The following ZNF106 variants were observed in gnomAD, a reference collection of about 807,000 sequenced individuals.
ZNF106 encodes zinc finger protein 106.
ZNF106 carries 67 observed loss-of-function variants against 195.1 expected under a neutral mutation model. That is an observed-to-expected ratio of 0.34 (90% CI 0.28 to 0.42). ZNF106 has a LOEUF of 0.42. Ranked by LOEUF, ZNF106 falls within the 10% of genes least tolerant of loss-of-function variation. ZNF106 has a pLI of 1.00. For missense variants in ZNF106, 2,118 were observed against 2,304.5 expected (o/e 0.92, Z 1.66); for synonymous variants, 784 against 818.6 (o/e 0.96, Z 0.72).
At chr15:42,465,326 G>A (rs1376275939) in intron 3 of ZNF106, among the ~76,000 whole-genome samples, 2 of 152,060 alleles carry the variant, frequency 1.3e-5, no homozygotes, top group East Asian at 3.9e-4. Flanking sequence ...ACCCAGGCTG[G>A]AGGGCAGTGG....
At chr15:42,486,793 T>C (rs1164609092) in intron 1 of ZNF106, among the ~76,000 whole-genome samples, 1 of 152,104 alleles carries the variant, frequency 6.6e-6, no homozygotes, top group Non-Finnish European at 1.5e-5. Flanking sequence ...ACTTGTTATA[T>C]ATATATATGT....
intron 14 of ZNF106, among the ~76,000 whole-genome samples, 184 bp downstream of exon 14, chr15:42,435,200 G>GAAA (rs2141301208): frequency 1.3e-5 from 2 of 152,314 alleles, no homozygotes; most frequent in South Asian, 4.1e-4. Context: ...GAGAGAGACA[G>GAAA]AAAATATGGT....
intron 16 of ZNF106, 126 bp downstream of exon 16, chr15:42,424,708 G>A: frequency 1.1e-6 from 1 of 943,310 alleles, no homozygotes; most frequent in South Asian, 1.9e-5. Context: ...TCGAACTTCT[G>A]AGCTCAAGCG....
At position 42,439,330 on chromosome 15, in the gene ZNF106, C is replaced by G. The variant is rs751700064; in HGVS notation, c.4247G>C (p.Gly1416Ala). ...CCAAGTGGAGGTTGTTACTTTCCCC[C>G]CTTTAATTAACTTTCCAGCTTTTAC... ...RKVKAGKLIK[G>A]GKVTTSTWED... Residue 1416 changes from glycine (G) to alanine (A), a missense_variant, in exon 11 of 22, where the codon GGG becomes GCG. Transcript: ENST00000564754. 1.3e-5 allele frequency: 21 copies of G among 1,613,956 alleles called. No individual in the cohort carries two copies. In the African/African-American group the frequency reaches 1.6e-4, roughly 12 times the overall value.
At chr15:42,441,056 C>A (rs2055515718) in intron 10 of ZNF106, among the ~76,000 whole-genome samples, 4 of 110,598 alleles carry the variant, frequency 3.6e-5, no homozygotes, top group East Asian at 2.8e-4. Flanking sequence ...TATGCTAAGT[C>A]ACGCGCAGTG....
At position 42,450,819 on chromosome 15, in the gene ZNF106, A is replaced by G. The variant is rs542661976; in HGVS notation, c.1453T>C (p.Ser485Pro). The part of the protein sequence containing the change: ...SPLLPCPATK[S>P]LSQKQDPKNI... The stretch of plus-strand genomic sequence containing the variant: ...TTTGGATCTTGCTTTTGAGACAATG[A>G]TTTAGTGGCTGGACATGGAAGGAGT... Residue 485 changes from serine (S) to proline (P), a missense_variant, in exon 5 of 22, where the codon TCA becomes CCA. Ser to Pro is a moderately conservative substitution (Grantham distance 74). Transcript: ENST00000564754. 9.9e-5 allele frequency: 159 copies of G among 1,614,164 alleles called. 1 individual carries two copies. The South Asian group carries it at 1.6e-3, about 17-fold the overall frequency.
At position 42,446,440 on chromosome 15, in the gene ZNF106, A is replaced by C. The variant is rs900591145; in HGVS notation, c.3205+149T>G. 2.1e-4 allele frequency: 140 copies of C among 665,526 alleles called. No individual in the cohort carries two copies. The East Asian group carries it at 3.8e-3, about 18-fold the overall frequency. 41.2% of individuals were successfully genotyped at this position (665,526 alleles called of 1,614,324 possible). ...TACAAAAAAATAAAAGAATTAATGT[A>C]GTGTCACATACCAGTAGTCCTAGCT... On this transcript the variant is annotated intron_variant, in intron 7 of 21. Coordinates refer to ENST00000564754, the MANE Select transcript of ZNF106 (RefSeq NM_001366845.3).
intron 14 of ZNF106, among the ~76,000 whole-genome samples, chr15:42,429,820 C>G (rs186753185): frequency 1.6e-4 from 25 of 151,958 alleles, no homozygotes; most frequent in African/African-American, 5.1e-4. Context: ...AAACTATTGG[C>G]ACATGTACCA....
intron 12 of ZNF106, among the ~76,000 whole-genome samples, 186 bp downstream of exon 12, chr15:42,438,426 T>C (rs1040602745): frequency 1.3e-5 from 2 of 152,084 alleles, no homozygotes; most frequent in Admixed American, 6.6e-5. Flanking sequence ...AGAATAAGAA[T>C]CTGAAAGACC....
intron 1 of ZNF106, among the ~76,000 whole-genome samples, chr15:42,483,379 C>A (rs1323287615): frequency 6.6e-6 from 1 of 152,138 alleles, no homozygotes; most frequent in African/African-American, 2.4e-5. Context: ...TCAAAGAAGA[C>A]ATATCCTCCA....
intron 1 of ZNF106, among the ~76,000 whole-genome samples, chr15:42,483,153 C>T (rs866865887): frequency 6.6e-6 from 1 of 150,820 alleles, no homozygotes; most frequent in Non-Finnish European, 1.5e-5. Context: ...TGTTAACTCC[C>T]CGCTAGAATC....
At chr15:42,434,124 G>T (rs879640849) in intron 14 of ZNF106, among the ~76,000 whole-genome samples, 6 of 152,126 alleles carry the variant, frequency 3.9e-5, no homozygotes, top group Admixed American at 3.9e-4. Context: ...TGGGATTACA[G>T]ACATGAACCA....
chr15:42,455,682 C>CA (rs1388414933), intron 4 of ZNF106, among the ~76,000 whole-genome samples: 8 of 152,042 alleles, frequency 5.3e-5, no homozygotes, highest in South Asian at 2.1e-4. Flanking sequence ...TTCCTCCCGG[C>CA]AAAAAAACTT....
chr15:42,474,122 C>T (rs1405375303), intron 1 of ZNF106, among the ~76,000 whole-genome samples: 1 of 152,170 alleles, frequency 6.6e-6, no homozygotes, highest in Non-Finnish European at 1.5e-5. Flanking sequence ...ATACATACAC[C>T]ATCCAGATAA....
At position 42,449,872 on chromosome 15, in the gene ZNF106, G is replaced by A. The variant is rs1345116849; in HGVS notation, c.2400C>T (p.Thr800=). The A allele has an allele frequency of 6.2e-7, 1 of 1,614,136 alleles. No homozygotes were observed. The highest frequency in any genetic ancestry group is 8.5e-7 in the Non-Finnish European group (1 of 1,180,024). ...ETEKESGLKP[T]LRQILNASRR... Reference sequence around the variant, plus strand: ...GAGATGCATTTAGAATCTGCCGTAGGGTTGGCTTGAGCCCAGACTCCTTCT... The same window carrying A: ...GAGATGCATTTAGAATCTGCCGTAGAGTTGGCTTGAGCCCAGACTCCTTCT... The change falls in exon 5 of 22, where the codon ACC becomes ACT. Residue 800 remains threonine, a synonymous_variant. Coordinates refer to ENST00000564754, the MANE Select transcript of ZNF106 (RefSeq NM_001366845.3).
intron 12 of ZNF106, 92 bp downstream of exon 12, chr15:42,438,520 T>C (rs1595452631): frequency 8.7e-7 from 1 of 1,144,386 alleles, no homozygotes. Context: ...TCCTATTCTA[T>C]AAATATATTT....
intron 3 of ZNF106, among the ~76,000 whole-genome samples, chr15:42,464,079 C>T (rs956846934): frequency 1.6e-4 from 24 of 152,170 alleles, no homozygotes; most frequent in African/African-American, 5.1e-4. Flanking sequence ...TGGTGGCTCA[C>T]GCCTGTAATC....
At chr15:42,485,135 G>T (rs1038736689) in intron 1 of ZNF106, among the ~76,000 whole-genome samples, 5 of 152,168 alleles carry the variant, frequency 3.3e-5, no homozygotes, top group African/African-American at 1.2e-4. Flanking sequence ...GGGGGTCAGA[G>T]TGAGACCTTA....
At chr15:42,473,315 T>C (rs2056719374) in intron 1 of ZNF106, among the ~76,000 whole-genome samples, 1 of 152,208 alleles carries the variant, frequency 6.6e-6, no homozygotes, top group Admixed American at 6.5e-5. Flanking sequence ...AATTTCCCAA[T>C]GGCGTCCATC....
Sources: allele counts gnomAD v4.1 joint callset (sites outside exome capture counted in the v4.1 genomes callset), GRCh38; gene constraint gnomAD v4.1.1; transcripts MANE v1.5; gene names NCBI Gene and HGNC (gene_info 2026-07-23, HGNC 2026-07-21).